The following RPRD1B variants were observed in gnomAD, a reference collection of about 807,000 sequenced individuals.
RPRD1B encodes the protein regulation of nuclear pre-mRNA domain containing 1B, also known as regulation of nuclear pre-mRNA domain-containing protein 1B.
RPRD1B carries 11 observed loss-of-function variants against 41.5 expected under a neutral mutation model. The ratio of observed to expected loss-of-function variants is 0.27; its 90% CI spans 0.17 to 0.44. The LOEUF (loss-of-function observed/expected upper bound fraction) is 0.44, where lower values mean the gene tolerates loss of function less well. RPRD1B is among the 20% of genes least tolerant of loss of function. RPRD1B has a pLI of 1.00. For missense variants in RPRD1B, 248 were observed against 389.9 expected (o/e 0.64, Z 3.06); for synonymous variants, 158 against 155.6 (o/e 1.02, Z -0.12).
intron 1 of RPRD1B, among the ~76,000 whole-genome samples, chr20:38,037,155 A>T (rs369042103): frequency 2.6e-5 from 4 of 152,206 alleles, no homozygotes; most frequent in African/African-American, 9.7e-5. Context: ...TATAAAAATT[A>T]ACTTTTTTTC....
At chr20:38,058,020 A>G (rs1165845414) in intron 4 of RPRD1B, among the ~76,000 whole-genome samples, 1 of 152,272 alleles carries the variant, frequency 6.6e-6, no homozygotes, top group Non-Finnish European at 1.5e-5. Flanking sequence ...ACTCATTAAT[A>G]TCTAAAGACA....
At chr20:38,078,410 T>G (rs139678670) in intron 6 of RPRD1B, among the ~76,000 whole-genome samples, 1,757 of 152,336 alleles carry the variant, frequency 0.012, 20 homozygotes, top group Middle Eastern at 0.054. Context: ...TGTTCACCAT[T>G]TGTATCTCAT....
rs1008454085 is a variant in RPRD1B, at chr20:38,091,070, A to G, written c.*1195A>G. On this transcript the variant is annotated 3_prime_UTR_variant, in exon 7 of 7. Transcript: ENST00000373433. ...TGACTATATAATGTAGTTAGAGACA[A>G]TTTTTATCTTGCTTATAGTAAAGGT... The G allele has an allele frequency of 1.4e-5, 14 of 985,682 alleles. No homozygotes were observed. The African/African-American group carries it at 1.6e-4, about 11-fold the overall frequency. 61.1% of individuals were successfully genotyped at this position (985,682 alleles called of 1,614,324 possible). A position where few individuals can be genotyped will look rare whatever the true frequency, so the allele number is the denominator to read the frequency against.
intron 1 of RPRD1B, among the ~76,000 whole-genome samples, chr20:38,037,285 T>C (rs1169338320): frequency 6.6e-6 from 1 of 152,226 alleles, no homozygotes; most frequent in East Asian, 1.9e-4. Flanking sequence ...GGACTAGTTT[T>C]GGTGTAAAGT....
intron 6 of RPRD1B, among the ~76,000 whole-genome samples, chr20:38,074,943 TAA>T (rs2074444885): frequency 6.6e-6 from 1 of 152,250 alleles, no homozygotes; most frequent in Non-Finnish European, 1.5e-5. Flanking sequence ...GCTTTTTTCT[TAA>T]CATGATTATT....
At chr20:38,081,418 T>C (rs2074511489) in intron 6 of RPRD1B, among the ~76,000 whole-genome samples, 1 of 152,232 alleles carries the variant, frequency 6.6e-6, no homozygotes. Flanking sequence ...GTCCTGAAGC[T>C]TTGCTGAAGT....
chr20:38,052,492 C>G (rs1000007465), intron 3 of RPRD1B, among the ~76,000 whole-genome samples: 1 of 152,150 alleles, frequency 6.6e-6, no homozygotes, highest in South Asian at 2.1e-4. Context: ...GTTCTTTTCT[C>G]TCCACAAGTA....
intron 6 of RPRD1B, among the ~76,000 whole-genome samples, chr20:38,067,217 G>T (rs770636805): frequency 1.3e-5 from 2 of 152,168 alleles, no homozygotes; most frequent in Admixed American, 1.3e-4. Context: ...ACTTGCTCCC[G>T]TGGGATAACA....
chr20:38,056,113 G>A (rs933834233), intron 3 of RPRD1B, among the ~76,000 whole-genome samples: 15 of 152,138 alleles, frequency 9.9e-5, no homozygotes, highest in African/African-American at 2.7e-4. Context: ...TTGGCCAGGC[G>A]TGATGGCTCA....
chr20:38,042,745 T>C (rs1448925169), intron 2 of RPRD1B, among the ~76,000 whole-genome samples: 4 of 152,194 alleles, frequency 2.6e-5, no homozygotes, highest in Non-Finnish European at 5.9e-5. Context: ...ACATATACTT[T>C]CTGTGTGCTT....
chr20:38,070,589 G>A, intron 6 of RPRD1B: 1 of 985,434 alleles, frequency 1.0e-6, no homozygotes, highest in South Asian at 4.7e-5. Flanking sequence ...TTCCTGTCTT[G>A]TCAGCGTGAA....
At chr20:38,062,631 C>G (rs899625518) in intron 5 of RPRD1B, among the ~76,000 whole-genome samples, 2 of 152,246 alleles carry the variant, frequency 1.3e-5, no homozygotes, top group East Asian at 3.9e-4. Context: ...CCACCTGGTA[C>G]AGGTCTCTAC....
In RPRD1B at chr20:38,038,778, G is replaced by A. The variant is rs148398381; in HGVS notation, c.152-1657G>A. On this transcript the variant is annotated intron_variant, in intron 1 of 6. Transcript: ENST00000373433. ...CTCCCGGAGTGCTGGGATTACAGGCGTGAGCCACTGTGCCCAGCCTCCTGT... is the reference window on the plus strand; with the variant it reads ...CTCCCGGAGTGCTGGGATTACAGGCATGAGCCACTGTGCCCAGCCTCCTGT... Among the ~76,000 whole-genome samples the A allele has an allele frequency of 9.3e-4, 142 of 152,292 alleles. 1 individual carries two copies. The highest frequency in any genetic ancestry group is 3.2e-3 in the African/African-American group (134 of 41,558).
chr20:38,042,964 A>G (rs574166295), intron 2 of RPRD1B, among the ~76,000 whole-genome samples: 2 of 152,360 alleles, frequency 1.3e-5, no homozygotes, highest in African/African-American at 4.8e-5. Context: ...TGCTTTTCAT[A>G]CAAGTGCCTT....
chr20:38,076,906 C>T (rs1228624926), intron 6 of RPRD1B, among the ~76,000 whole-genome samples: 67 of 63,522 alleles, frequency 1.1e-3, no homozygotes, highest in African/African-American at 4.4e-3. Flanking sequence ...CATTCTGGAC[C>T]TTTTTTTTTT....
Position 38,091,962 on chromosome 20 carries a change from G to GT in RPRD1B, c.*2093dup. 1.0e-6 allele frequency: 1 copy of GT among 985,842 alleles called. No individual in the cohort carries two copies. Among genetic ancestry groups the GT allele is most frequent in the Non-Finnish European group, 1.2e-6 (1 of 829,914 alleles). 61.1% of individuals were successfully genotyped at this position (985,842 alleles called of 1,614,324 possible). On this transcript the variant is annotated 3_prime_UTR_variant, in exon 7 of 7. Transcript: ENST00000373433. The stretch of plus-strand genomic sequence containing the variant: ...TAGTGGACTTCCTGTGAGGAAGTTA[G>GT]TTTTTTGTTTTGATGAAATGCTTTC...
intron 3 of RPRD1B, among the ~76,000 whole-genome samples, chr20:38,053,426 C>T (rs751870203): frequency 1.3e-5 from 2 of 152,116 alleles, no homozygotes; most frequent in East Asian, 3.9e-4. Flanking sequence ...TTTCAAACTC[C>T]GACCTGTCAC....
chr20:38,062,505 T>C (rs2074308111), intron 5 of RPRD1B, among the ~76,000 whole-genome samples: 1 of 152,134 alleles, frequency 6.6e-6, no homozygotes, highest in Non-Finnish European at 1.5e-5. Flanking sequence ...CTTCTGACCT[T>C]TCCTCTAAAA....
chr20:38,036,542 GTTTA>G (rs2074005255), intron 1 of RPRD1B, among the ~76,000 whole-genome samples: 1 of 152,148 alleles, frequency 6.6e-6, no homozygotes, highest in Non-Finnish European at 1.5e-5. Context: ...AGACCTTCTT[GTTTA>G]TTTGCAACAC....
Sources: gnomAD v4.1 joint callset for allele counts (sites outside exome capture counted in the v4.1 genomes callset) on GRCh38, gnomAD v4.1.1 for gene constraint, MANE v1.5 for transcripts, NCBI Gene and HGNC (gene_info 2026-07-23, HGNC 2026-07-21) for gene names.